Variants in NCKAP1L observed in about 807,000 individuals in gnomAD.
NCKAP1L encodes the protein nck-associated protein 1-like.
In NCKAP1L, 53 loss-of-function variants were observed where a neutral mutation model predicts 139.2. The ratio of observed to expected loss-of-function variants is 0.38; its 90% confidence interval spans 0.31 to 0.48. The LOEUF is 0.48. NCKAP1L is among the 20% of genes least tolerant of loss of function. The pLI is 0.98. For missense variants in NCKAP1L, 1,151 were observed against 1,381.9 expected, an observed-to-expected ratio of 0.83 and a Z score of 2.65; for synonymous variants, 468 against 499.7, an observed-to-expected ratio of 0.94 and a Z score of 0.85.
intron 20 of NCKAP1L, among the ~76,000 whole-genome samples, chr12:54,525,121 G>A (rs193200959): frequency 3.9e-5 from 6 of 152,292 alleles, no homozygotes; most frequent in Admixed American, 3.9e-4. Flanking sequence ...CAGAAAAGTG[G>A]CAGATTGTGT....
chr12:54,521,195 G>A lies in NCKAP1L; in HGVS notation c.1835G>A (p.Cys612Tyr). 1 of 1,614,110 alleles carries A rather than the reference G, an allele frequency of 6.2e-7. No individual in the cohort carries two copies. Among genetic ancestry groups the A allele is most frequent in the South Asian group, 1.1e-5 (1 of 91,080 alleles). The change falls in exon 18 of 31, where the codon TGC becomes TAC. Residue 612 changes from cysteine to tyrosine, a missense_variant. Coordinates refer to ENST00000293373, the MANE Select transcript of NCKAP1L (RefSeq NM_005337.5). ...LEELAKQTSN[C>Y]VLEICAEQRN... ...GAGTTGGCCAAGCAGACCAGCAATT[G>A]CGTCCTGGAGATCTGTGCTGAGCAG...
In NCKAP1L at chr12:54,509,851, G is replaced by GT; in HGVS notation, c.602dup (p.Ser202GlufsTer19). The GT allele has an allele frequency of 6.2e-7, 1 of 1,614,196 alleles. No homozygotes were observed. Reference sequence around the variant, plus strand: ...TTTCATTTGCTTTTCCCCACAGGCTGTGAGTGGAGCCCTCCTCTCTTTGCA... The same window carrying GT: ...TTTCATTTGCTTTTCCCCACAGGCTGTTGAGTGGAGCCCTCCTCTCTTTGCA... On this transcript the variant is annotated frameshift_variant, in exon 7 of 31. Coordinates refer to ENST00000293373, the MANE Select transcript of NCKAP1L (RefSeq NM_005337.5). LOFTEE classifies it high-confidence loss of function.
At chr12:54,538,244 C>T (rs190946321) in intron 29 of NCKAP1L, among the ~76,000 whole-genome samples, 1 of 152,184 alleles carries the variant, frequency 6.6e-6, no homozygotes, top group African/African-American at 2.4e-5. Flanking sequence ...AGGCACCCAA[C>T]CAGATAGACC....
At chr12:54,520,659 A>C (rs539965524) in intron 16 of NCKAP1L, 35 bp from the exon 17 acceptor site, 2 of 1,613,250 alleles carry the variant, frequency 1.2e-6, no homozygotes, top group Non-Finnish European at 8.5e-7. Context: ...AATAAGGACT[A>C]AATCTTGATT....
chr12:54,512,100 G>T lies in NCKAP1L; in HGVS notation c.936G>T (p.Leu312Phe). 1.2e-6 allele frequency: 2 copies of T among 1,613,930 alleles called. No individual in the cohort carries two copies. The highest frequency in any genetic ancestry group is 2.2e-5 in the South Asian group (2 of 91,038). ...HKVTEDLFSS[L>F]KGYGKRVADI... ...TCACCGAGGACCTGTTTAGCAGTTT[G>T]AAAGGGTGAGAGACACGAGAGCCAA... Residue 312 changes from leucine (L) to phenylalanine (F), a missense_variant, in exon 9 of 31, where the codon TTG (leucine) becomes TTT (phenylalanine). Coordinates refer to ENST00000293373, the MANE Select transcript of NCKAP1L (RefSeq NM_005337.5).
intron 28 of NCKAP1L, 146 bp from the exon 29 acceptor site, chr12:54,536,798 A>G: frequency 1.7e-6 from 1 of 591,040 alleles, no homozygotes; most frequent in Non-Finnish European, 3.0e-6. Flanking sequence ...CCTGCCTCTA[A>G]TCTCAAAATG....
At chr12:54,521,462 AT>A (rs1956983279) in intron 18 of NCKAP1L, among the ~76,000 whole-genome samples, 1 of 152,128 alleles carries the variant, frequency 6.6e-6, no homozygotes, top group African/African-American at 2.4e-5. Context: ...AAATACTCTT[AT>A]TTGAACAGCT....
rs1957214434 is a variant in NCKAP1L at position 54,548,128 on chromosome 12, TG to T, written c.*5446del. 1 of 152,230 alleles carries T rather than the reference TG, an allele frequency of 6.6e-6. No individual in the cohort carries two copies. The highest frequency in any genetic ancestry group is 1.5e-5 in the Non-Finnish European group (1 of 68,042). 9.4% of individuals were successfully genotyped at this position (152,230 alleles called of 1,614,324 possible). A position where few individuals can be genotyped will look rare whatever the true frequency, so the allele number is the denominator to read the frequency against. ...TTCACTTCTTTTCTCCTTCTCTGAC[TG>T]GGAGAGGAGGAGCCTCCACTCAGTA... On this transcript the variant is annotated 3_prime_UTR_variant, in exon 31 of 31. Coordinates refer to ENST00000293373, the MANE Select transcript of NCKAP1L (RefSeq NM_005337.5).
chr12:54,507,839 A>G lies in NCKAP1L; in HGVS notation c.307-14A>G. The G allele has an allele frequency of 6.2e-7, 1 of 1,612,382 alleles. No homozygotes were observed. Among genetic ancestry groups the G allele is most frequent in the Non-Finnish European group, 8.5e-7 (1 of 1,178,650 alleles). On this transcript the variant is annotated splice_polypyrimidine_tract_variant and intron_variant, in intron 3 of 30. Transcript: ENST00000293373. Reference sequence around the variant, plus strand: ...TGATTTTTTATTAATTCTTGTCTTCACTTCCACCCCCAGGATCATGTATAT... The same window carrying G: ...TGATTTTTTATTAATTCTTGTCTTCGCTTCCACCCCCAGGATCATGTATAT...
intron 10 of NCKAP1L, among the ~76,000 whole-genome samples, chr12:54,516,509 G>A (rs1192120013): frequency 6.7e-6 from 1 of 149,786 alleles, no homozygotes; most frequent in Non-Finnish European, 1.5e-5. Flanking sequence ...GCAATGGCAT[G>A]ATCTCGGCTC....
At chr12:54,503,200 C>A (rs550487103) in intron 3 of NCKAP1L, among the ~76,000 whole-genome samples, 9 of 151,936 alleles carry the variant, frequency 5.9e-5, no homozygotes, top group African/African-American at 2.2e-4. Context: ...TTGAGAAATC[C>A]TTCAATTTGA....
In NCKAP1L at chr12:54,537,072, T is replaced by C. The variant is rs570708283; in HGVS notation, c.3183+19T>C. 8 of 1,510,684 alleles carry C rather than the reference T, an allele frequency of 5.3e-6. No individual in the cohort carries two copies. Among genetic ancestry groups the C allele is most frequent in the African/African-American group, 4.1e-5 (3 of 72,842 alleles). The allele number at this position is 1,510,684 out of a possible 1,614,324, so 93.6% of individuals were successfully genotyped here. On this transcript the variant is annotated intron_variant, in intron 29 of 30. Transcript: ENST00000293373. ...TCTGGTGGTGAGTGGGTCTAGGTTA[T>C]AAAGAATGGAAGATTGCAAAGGGCT...
At position 54,512,100 on chromosome 12, in the gene NCKAP1L, G is replaced by A; in HGVS notation, c.936G>A (p.Leu312=). The change falls in exon 9 of 31, where the codon TTG becomes TTA. Residue 312 remains leucine, a synonymous_variant. Coordinates refer to ENST00000293373, the MANE Select transcript of NCKAP1L (RefSeq NM_005337.5). ...TCACCGAGGACCTGTTTAGCAGTTTGAAAGGGTGAGAGACACGAGAGCCAA... is the reference window on the plus strand; with the variant it reads ...TCACCGAGGACCTGTTTAGCAGTTTAAAAGGGTGAGAGACACGAGAGCCAA... ...HKVTEDLFSS[L]KGYGKRVADI... 1 of 1,613,930 alleles carries A rather than the reference G, an allele frequency of 6.2e-7. No individual in the cohort carries two copies. Among genetic ancestry groups the A allele is most frequent in the Non-Finnish European group, 8.5e-7 (1 of 1,179,928 alleles).
chr12:54,514,880 A>C (rs1014428906), intron 9 of NCKAP1L, among the ~76,000 whole-genome samples: 2 of 152,190 alleles, frequency 1.3e-5, no homozygotes, highest in Admixed American at 6.5e-5. Context: ...ATATGCATGA[A>C]AAAACTTTCT....
At chr12:54,521,886 A>ATGTGTGTG (rs34410189) in intron 18 of NCKAP1L, among the ~76,000 whole-genome samples, 35 of 147,298 alleles carry the variant, frequency 2.4e-4, no homozygotes, top group Non-Finnish European at 3.8e-4. Flanking sequence ...GAGTGTGTGT[A>ATGTGTGTG]TGTGTGTGTG....
At chr12:54,502,158 T>C (rs1290005251) in intron 3 of NCKAP1L, among the ~76,000 whole-genome samples, 1 of 152,140 alleles carries the variant, frequency 6.6e-6, no homozygotes, top group Non-Finnish European at 1.5e-5. Flanking sequence ...GAGACCAGAG[T>C]GTTTTGAATT....
At chr12:54,528,869 T>C (rs1348371546) in intron 22 of NCKAP1L, among the ~76,000 whole-genome samples, 1 of 152,186 alleles carries the variant, frequency 6.6e-6, no homozygotes, top group African/African-American at 2.4e-5. Flanking sequence ...TCTCCTGACC[T>C]TGTGATCTGC....
At position 54,521,182 on chromosome 12, in the gene NCKAP1L, C is replaced by G. The variant is rs748517097; in HGVS notation, c.1822C>G (p.Gln608Glu). Residue 608 changes from glutamine (Q) to glutamate (E), a missense_variant, in exon 18 of 31, where the codon CAG becomes GAG. Transcript: ENST00000293373. ...CTCCTTCCTGGAAGAGTTGGCCAAGCAGACCAGCAATTGCGTCCTGGAGAT... is the reference window on the plus strand; with the variant it reads ...CTCCTTCCTGGAAGAGTTGGCCAAGGAGACCAGCAATTGCGTCCTGGAGAT... ...CNSFLEELAK[Q>E]TSNCVLEICA... is the part of the protein sequence containing the mutation. 1.2e-6 allele frequency: 2 copies of G among 1,614,118 alleles called. No homozygotes were observed. The highest frequency in any genetic ancestry group is 1.1e-5 in the South Asian group (1 of 91,076).
At chr12:54,508,973 C>T (rs191694542) in intron 5 of NCKAP1L, among the ~76,000 whole-genome samples, 1 of 152,300 alleles carries the variant, frequency 6.6e-6, no homozygotes, top group African/African-American at 2.4e-5. Context: ...CAATTTGCAT[C>T]ATCTCTGAAC....
Sources: allele counts gnomAD v4.1 joint callset (sites outside exome capture counted in the v4.1 genomes callset), GRCh38; gene constraint gnomAD v4.1.1; transcripts MANE v1.5; gene names NCBI Gene and HGNC (gene_info 2026-07-23, HGNC 2026-07-21).